The following CLIP1 variants were observed in gnomAD, a reference collection of about 807,000 sequenced individuals.
CLIP1 encodes the protein CAP-Gly domain-containing linker protein 1.
A neutral mutation model predicts 161.6 loss-of-function variants in CLIP1; 66 were observed. That is an observed-to-expected ratio of 0.41 (90% CI 0.33 to 0.50). The LOEUF is 0.50. Ranked by LOEUF, CLIP1 falls within the 20% of genes least tolerant of loss-of-function variation. The probability of loss-of-function intolerance (pLI) is 0.27; values close to 1 mark genes in which losing one functional copy is unlikely to be tolerated. For missense variants in CLIP1, 1,376 were observed against 1,702.0 expected, an observed-to-expected ratio of 0.81 and a Z score of 3.37; for synonymous variants, 598 against 626.2, an observed-to-expected ratio of 0.96 and a Z score of 0.67.
chr12:122,382,390 T>C (rs1217904250), intron 1 of CLIP1, among the ~76,000 whole-genome samples: 1 of 149,876 alleles, frequency 6.7e-6, no homozygotes, highest in Non-Finnish European at 1.5e-5. Context: ...CCAGGCGTTG[T>C]GGCGCGTGCC....
rs370081828 is a variant in CLIP1 at position 122,362,159 on chromosome 12, G to A, written c.783-978C>T. 1.1e-3 allele frequency among the ~76,000 whole-genome samples: 165 copies of A among 150,978 alleles called. 1 individual carries two copies. Among genetic ancestry groups the A allele is most frequent in the South Asian group, 8.0e-3 (38 of 4,728 alleles). ...AGTAGAGACAGGGTTTCAATATGTT[G>A]GCCAGGATGGTCTCGAACTCCTGAT... On this transcript the variant is annotated intron_variant, in intron 4 of 25. Transcript: ENST00000620786.
At chr12:122,300,332 T>C (rs1397726893) in intron 20 of CLIP1, among the ~76,000 whole-genome samples, 1 of 151,960 alleles carries the variant, frequency 6.6e-6, no homozygotes, top group Non-Finnish European at 1.5e-5. Flanking sequence ...TCCATATATA[T>C]ACACAATGAG....
At chr12:122,359,183 T>A (rs1953654801) in intron 5 of CLIP1, among the ~76,000 whole-genome samples, 1 of 152,272 alleles carries the variant, frequency 6.6e-6, no homozygotes, top group Non-Finnish European at 1.5e-5. Context: ...TCAATTTCTC[T>A]ATCTTTGTCA....
intron 10 of CLIP1, among the ~76,000 whole-genome samples, chr12:122,346,881 G>T (rs1000980530): frequency 6.6e-6 from 1 of 152,160 alleles, no homozygotes; most frequent in African/African-American, 2.4e-5. Flanking sequence ...AAAGGTAACT[G>T]GGGTGAAAGT....
chr12:122,410,002 C>G (rs1956470698), intron 1 of CLIP1, among the ~76,000 whole-genome samples: 2 of 151,696 alleles, frequency 1.3e-5, no homozygotes, highest in South Asian at 4.2e-4. Flanking sequence ...TCCCGAGTAG[C>G]TGGGACTACA....
At position 122,330,478 on chromosome 12, in the gene CLIP1, C is replaced by A. The variant is rs1416044862; in HGVS notation, c.2868-2052G>T. ...TTTATAAATGTTTGCCTTATAAATTCTTTGATTTTTATATGACAGCTATTA... is the reference window on the plus strand; with the variant it reads ...TTTATAAATGTTTGCCTTATAAATTATTTGATTTTTATATGACAGCTATTA... On this transcript the variant is annotated intron_variant, in intron 15 of 25. Transcript: ENST00000620786. Among the ~76,000 whole-genome samples the A allele has an allele frequency of 3.3e-5, 5 of 151,566 alleles. No individual in the cohort carries two copies. The East Asian group carries it at 7.8e-4, about 24-fold the overall frequency.
chr12:122,304,059 T>G (rs1950782348), intron 20 of CLIP1, among the ~76,000 whole-genome samples: 1 of 152,218 alleles, frequency 6.6e-6, no homozygotes, highest in Non-Finnish European at 1.5e-5. Flanking sequence ...GCCCTGTGCC[T>G]GTCAGCTGCA....
chr12:122,402,557 C>T (rs760532736), intron 1 of CLIP1, among the ~76,000 whole-genome samples: 1 of 152,132 alleles, frequency 6.6e-6, no homozygotes, highest in Non-Finnish European at 1.5e-5. Flanking sequence ...ACATGGATCA[C>T]TTGAGGTCAA....
At chr12:122,318,348 C>A (rs1170152214) in intron 18 of CLIP1, among the ~76,000 whole-genome samples, 1 of 152,210 alleles carries the variant, frequency 6.6e-6, no homozygotes, top group Non-Finnish European at 1.5e-5. Flanking sequence ...GCCTGGCCAA[C>A]ATGGCAAAAC....
intron 1 of CLIP1, among the ~76,000 whole-genome samples, chr12:122,396,194 C>T (rs1251556129): frequency 6.6e-6 from 1 of 152,060 alleles, no homozygotes; most frequent in Admixed American, 6.6e-5. Flanking sequence ...CCCTTGCCAT[C>T]CTAATAAACT....
chr12:122,390,630 C>A (rs1287858630), intron 1 of CLIP1, among the ~76,000 whole-genome samples: 1 of 151,580 alleles, frequency 6.6e-6, no homozygotes. Context: ...TTTTAAAAGT[C>A]ATGTAATCTT....
In CLIP1 at chr12:122,305,161, T is replaced by C. The variant is rs184200996; in HGVS notation, c.3594+4601A>G. ...CATAGTGATAGCTCACTGTATTTGC[T>C]ATCTTTACAAGGTGGAACACATGTG... On this transcript the variant is annotated intron_variant, in intron 20 of 25. Transcript: ENST00000620786. 8.5e-5 allele frequency among the ~76,000 whole-genome samples: 13 copies of C among 152,360 alleles called. No individual in the cohort carries two copies. In the East Asian group the frequency reaches 2.3e-3, roughly 27 times the overall value.
At chr12:122,386,298 A>G (rs151053736) in intron 1 of CLIP1, among the ~76,000 whole-genome samples, 87 of 152,316 alleles carry the variant, frequency 5.7e-4, no homozygotes, top group Admixed American at 2.0e-3. Context: ...AAAGAAAAGA[A>G]AAAAAGAAAA....
intron 5 of CLIP1, among the ~76,000 whole-genome samples, chr12:122,358,743 TTA>T (rs1491239467): frequency 1.9e-5 from 2 of 106,876 alleles, no homozygotes; most frequent in Non-Finnish European, 4.7e-5. Flanking sequence ...ATAGTTGACT[TTA>T]AAAAAAAAAA....
At chr12:122,306,598 C>T (rs1194714108) in intron 20 of CLIP1, among the ~76,000 whole-genome samples, 1 of 152,172 alleles carries the variant, frequency 6.6e-6, no homozygotes, top group Non-Finnish European at 1.5e-5. Flanking sequence ...CACAAAGGGG[C>T]AGCAGCTTGC....
chr12:122,368,437 A>C (rs1954273068), intron 3 of CLIP1, among the ~76,000 whole-genome samples: 1 of 152,154 alleles, frequency 6.6e-6, no homozygotes, highest in Non-Finnish European at 1.5e-5. Flanking sequence ...GGGTGTCTAC[A>C]AACAGGAAAC....
At chr12:122,350,887 T>C (rs1253843395) in intron 9 of CLIP1, 1 of 394,914 alleles carries the variant, frequency 2.5e-6, no homozygotes, top group Admixed American at 4.3e-5. Flanking sequence ...AAGCAAACGT[T>C]GGCCTATTCA....
At chr12:122,357,487 AC>A (rs1355510969) in intron 5 of CLIP1, among the ~76,000 whole-genome samples, 1 of 99,156 alleles carries the variant, frequency 1.0e-5, no homozygotes, top group Non-Finnish European at 2.0e-5. Flanking sequence ...CCCGGCAGCC[AC>A]CCCATCCAGG....
At chr12:122,407,682 T>G (rs1044395153) in intron 1 of CLIP1, among the ~76,000 whole-genome samples, 3 of 36,360 alleles carry the variant, frequency 8.3e-5, no homozygotes, top group Admixed American at 3.5e-4. Context: ...TGGATGAGTT[T>G]TTTTTTTTTC....
Sources: gnomAD v4.1 joint callset for allele counts (sites outside exome capture counted in the v4.1 genomes callset) on GRCh38, gnomAD v4.1.1 for gene constraint, MANE v1.5 for transcripts, NCBI Gene and HGNC (gene_info 2026-07-23, HGNC 2026-07-21) for gene names.